Variants in CD36 observed in about 807,000 individuals in gnomAD.
CD36 encodes the protein platelet glycoprotein 4.
Under a neutral mutation model 55.2 loss-of-function variants are expected in CD36, and 119 were observed. That is an observed-to-expected ratio of 2.15 (90% CI 1.86 to 2.51). The LOEUF (loss-of-function observed/expected upper bound fraction) is 2.51, where lower values mean the gene tolerates loss of function less well. CD36 is among the 30% of genes most tolerant of loss of function. The pLI is 0.00. For synonymous variants in CD36, 186 were observed against 193.6 expected (o/e 0.96, Z 0.33); for missense variants, 819 against 555.5 (o/e 1.47, Z -4.77).
At chr7:80,622,721 A>G (rs1489794870) in intron 1 of CD36, among the ~76,000 whole-genome samples, 1 of 152,186 alleles carries the variant, frequency 6.6e-6, no homozygotes, top group Non-Finnish European at 1.5e-5. Context: ...ACAGCTATTT[A>G]TATCCGAACA....
intron 1 of CD36, among the ~76,000 whole-genome samples, chr7:80,620,646 A>T (rs1333221178): frequency 6.6e-6 from 1 of 152,028 alleles, no homozygotes; most frequent in Non-Finnish European, 1.5e-5. Context: ...GTAGGGTGGG[A>T]TCCTGTCTGG....
Position 80,671,132 on chromosome 7 carries a change from A to G in CD36, c.974A>G (p.Tyr325Cys). ...ATTATCTCAAAAAATTGTACATCAT[A>G]TGGTGTGCTAGACATCAGCAAATGC... is the stretch of plus-strand genomic sequence containing the variant. ...EKIISKNCTS[Y>C]GVLDISKCKE... Residue 325 changes from tyrosine (Y) to cysteine (C), a missense_variant, in exon 10 of 15, where the codon TAT becomes TGT. Transcript: ENST00000447544. 2 of 1,612,864 alleles carry G rather than the reference A, an allele frequency of 1.2e-6. No individual in the cohort carries two copies. Among genetic ancestry groups the G allele is most frequent in the Non-Finnish European group, 8.5e-7 (1 of 1,179,316 alleles).
intron 1 of CD36, among the ~76,000 whole-genome samples, chr7:80,626,567 T>G (rs920946735): frequency 6.6e-6 from 1 of 152,066 alleles, no homozygotes; most frequent in Non-Finnish European, 1.5e-5. Flanking sequence ...ATCCAATTAA[T>G]AGATAAATTT....
At position 80,663,049 on chromosome 7, in the gene CD36, C is replaced by A; in HGVS notation, c.489C>A (p.Asn163Lys). 1.2e-6 allele frequency: 2 copies of A among 1,613,172 alleles called. No homozygotes were observed. The highest frequency in any genetic ancestry group is 1.7e-6 in the Non-Finnish European group (2 of 1,179,292). ...AAATGATCCTCAATTCACTTATTAA[C>A]AAGTCAAAATCTTCTATGTTCCAAG... The part of the protein sequence containing the change: ...FVQMILNSLI[N>K]KSKSSMFQVR... Residue 163 changes from asparagine to lysine, a missense_variant, in exon 6 of 15, where the codon AAC becomes AAA. By Grantham distance (94) the Asn-to-Lys change is moderately conservative. Coordinates refer to ENST00000447544, the MANE Select transcript of CD36 (RefSeq NM_001001548.3).
chr7:80,632,202 C>T (rs182220422), intron 1 of CD36, among the ~76,000 whole-genome samples: 1 of 151,180 alleles, frequency 6.6e-6, no homozygotes, highest in East Asian at 2.0e-4. Context: ...CACTCAAGTG[C>T]AGGGTTTGTG....
At chr7:80,643,140 G>A (rs1373018132) in intron 1 of CD36, among the ~76,000 whole-genome samples, 2 of 152,112 alleles carry the variant, frequency 1.3e-5, no homozygotes. Context: ...GTTACTGTTG[G>A]AACTCTTTAC....
At chr7:80,670,823 T>C in intron 9 of CD36, 154 bp from the exon 10 acceptor site, 1 of 636,482 alleles carries the variant, frequency 1.6e-6, no homozygotes, top group East Asian at 2.7e-5. Flanking sequence ...TTTTAGTATG[T>C]GTTAAAATTT....
chr7:80,612,504 T>A (rs1792928524), intron 1 of CD36, among the ~76,000 whole-genome samples: 1 of 152,204 alleles, frequency 6.6e-6, no homozygotes, highest in African/African-American at 2.4e-5. Flanking sequence ...ACTATGTAGA[T>A]GAACAGCATG....
At chr7:80,656,883 T>C (rs1443995828) in intron 4 of CD36, among the ~76,000 whole-genome samples, 183 bp downstream of exon 4, 1 of 152,126 alleles carries the variant, frequency 6.6e-6, no homozygotes, top group Non-Finnish European at 1.5e-5. Flanking sequence ...TTATAAGGTA[T>C]TTATTTTGAA....
chr7:80,651,177 C>G (rs1795583234), intron 3 of CD36, among the ~76,000 whole-genome samples: 2 of 151,894 alleles, frequency 1.3e-5, no homozygotes, highest in Non-Finnish European at 2.9e-5. Flanking sequence ...TAAGTAGGAG[C>G]TAAATATTGA....
At chr7:80,636,586 T>C (rs1289057815), upstream of CD36, among the ~76,000 whole-genome samples, 1 of 150,740 alleles carries the variant, frequency 6.6e-6, no homozygotes, top group Non-Finnish European at 1.5e-5. Flanking sequence ...CTGAAGTAGA[T>C]TGAAAATTAT....
Position 80,677,626 on chromosome 7 carries a change from A to G in CD36, c.*1243A>G, listed in dbSNP as rs1798202204. On this transcript the variant is annotated 3_prime_UTR_variant, in exon 15 of 15. Transcript: ENST00000447544. ...AGAAGTATCTGTCCAAGATATTAAT[A>G]TGTAAGATAACATTGTAGACATGTT... 1 of 152,174 alleles carries G rather than the reference A, an allele frequency of 6.6e-6. No individual in the cohort carries two copies. The highest frequency in any genetic ancestry group is 2.1e-4 in the South Asian group (1 of 4,832). The allele number at this position is 152,174 out of a possible 1,614,324, so 9.4% of individuals were successfully genotyped here. A position where few individuals can be genotyped will look rare whatever the true frequency, so the allele number is the denominator to read the frequency against.
chr7:80,674,365 T>C (rs1000270618), intron 14 of CD36: 82 of 497,190 alleles, frequency 1.6e-4, no homozygotes, highest in African/African-American at 1.5e-3. Context: ...AAAGATGTAC[T>C]TGTGACCATT....
At chr7:80,618,346 A>C (rs537925477) in intron 1 of CD36, among the ~76,000 whole-genome samples, 1 of 152,270 alleles carries the variant, frequency 6.6e-6, no homozygotes, top group Non-Finnish European at 1.5e-5. Context: ...CTGAGACATG[A>C]CTATATTGAA....
At chr7:80,635,940 C>T (rs567208044), upstream of CD36, among the ~76,000 whole-genome samples, 38 of 152,174 alleles carry the variant, frequency 2.5e-4, no homozygotes, top group African/African-American at 8.9e-4. Context: ...TTATTCTGTA[C>T]TATAGGGGTT....
rs376616220 is a variant in CD36, at chr7:80,664,512, A to G, written c.701+15A>G. 4.5e-6 allele frequency: 6 copies of G among 1,327,152 alleles called. No homozygotes were observed. The highest frequency in any genetic ancestry group is 5.4e-6 in the Non-Finnish European group (5 of 919,068). The allele number at this position is 1,327,152 out of a possible 1,614,324, so 82.2% of individuals were successfully genotyped here. On this transcript the variant is annotated intron_variant, in intron 7 of 14. Coordinates refer to ENST00000447544, the MANE Select transcript of CD36 (RefSeq NM_001001548.3). Reference sequence around the variant, plus strand: ...AAAGGTAAAAGGTAAGTATTCTGGTAAAATGTGCATGTATGTTACTAGGGT... The same window carrying G: ...AAAGGTAAAAGGTAAGTATTCTGGTGAAATGTGCATGTATGTTACTAGGGT...
intron 1 of CD36, among the ~76,000 whole-genome samples, chr7:80,615,916 T>G (rs184074917): frequency 6.6e-6 from 1 of 152,222 alleles, no homozygotes; most frequent in African/African-American, 2.4e-5. Flanking sequence ...AGGATAATTC[T>G]GTTTTTAGGA....
intron 5 of CD36, 58 bp from the exon 6 acceptor site, chr7:80,662,932 T>G: frequency 1.5e-6 from 2 of 1,348,102 alleles, no homozygotes; most frequent in Non-Finnish European, 2.1e-6. Flanking sequence ...TTTAATCCAT[T>G]TATTTGTTAA....
intron 1 of CD36, among the ~76,000 whole-genome samples, chr7:80,639,209 T>G (rs1181324359): frequency 6.6e-6 from 1 of 151,918 alleles, no homozygotes; most frequent in East Asian, 1.9e-4. Flanking sequence ...GTCATTAGCT[T>G]GTTTAATTTT....
Sources: gnomAD v4.1 joint callset for allele counts (sites outside exome capture counted in the v4.1 genomes callset) on GRCh38, gnomAD v4.1.1 for gene constraint, MANE v1.5 for transcripts, NCBI Gene and HGNC (gene_info 2026-07-23, HGNC 2026-07-21) for gene names.